LINGO2: variants seen among roughly 807,000 people sequenced by gnomAD.
LINGO2 encodes the protein leucine rich repeat and Ig domain containing 2, also known as leucine-rich repeat and immunoglobulin-like domain-containing nogo receptor-interacting protein 2.
Under a neutral mutation model 30.6 loss-of-function variants are expected in LINGO2, and 14 were observed. The ratio of observed to expected loss-of-function variants is 0.46; its 90% CI spans 0.30 to 0.72. LINGO2 has a LOEUF of 0.72. Among genes scored for constraint, LINGO2 ranks in the 30% least tolerant of loss-of-function variants. The pLI is 0.07. For missense variants in LINGO2, 729 were observed against 751.7 expected (o/e 0.97, Z 0.35); for synonymous variants, 317 against 288.5 (o/e 1.10, Z -1.00).
chr9:28,721,544 A>C, the LINGO2 span, among the ~76,000 whole-genome samples: 1 of 152,022 alleles, frequency 6.6e-6, no homozygotes, highest in Non-Finnish European at 1.5e-5. Context: ...TCATTCTCAG[A>C]AAACTAACAC....
chr9:27,962,051 G>T (rs896359178), intron 5 of LINGO2, among the ~76,000 whole-genome samples: 7 of 152,232 alleles, frequency 4.6e-5, no homozygotes, highest in African/African-American at 1.2e-4. Flanking sequence ...TCCTTAAAAA[G>T]AATATTATTT....
chr9:28,721,821 TA>T, the LINGO2 span, among the ~76,000 whole-genome samples: 1,632 of 143,726 alleles, frequency 0.011, 31 homozygotes, highest in Admixed American at 0.04. Flanking sequence ...TAAAGTAAAA[TA>T]AAAAAAAAAA....
intron 2 of LINGO2, among the ~76,000 whole-genome samples, chr9:28,448,148 T>C (rs1456762517): frequency 6.6e-6 from 1 of 152,088 alleles, no homozygotes; most frequent in African/African-American, 2.4e-5. Context: ...TCTAAAAATA[T>C]CTTGAAAAGA....
chr9:28,406,879 T>C (rs1169237324), intron 2 of LINGO2, among the ~76,000 whole-genome samples: 1 of 152,170 alleles, frequency 6.6e-6, no homozygotes, highest in Non-Finnish European at 1.5e-5. Flanking sequence ...AACTGCATTG[T>C]GCTACTGATA....
chr9:28,825,510 C>A, the LINGO2 span, among the ~76,000 whole-genome samples: 2 of 151,570 alleles, frequency 1.3e-5, no homozygotes, highest in African/African-American at 2.4e-5. Flanking sequence ...CATCTGCTTA[C>A]CCAAAGGTTG....
chr9:28,344,881 C>G (rs764615559), intron 3 of LINGO2, among the ~76,000 whole-genome samples: 4 of 152,054 alleles, frequency 2.6e-5, no homozygotes, highest in Non-Finnish European at 4.4e-5. Context: ...CCAACTGCAC[C>G]AAAGCATCTT....
chr9:28,381,529 A>G (rs1821357536), intron 2 of LINGO2, among the ~76,000 whole-genome samples: 1 of 152,126 alleles, frequency 6.6e-6, no homozygotes, highest in East Asian at 1.9e-4. Context: ...TGGAATGTAT[A>G]TGCCAACACA....
At position 28,552,631 on chromosome 9, in the gene LINGO2, G is replaced by A. The variant is rs113823258; in HGVS notation, c.-364-76606C>T. On this transcript the variant is annotated intron_variant, in intron 1 of 5. Transcript: ENST00000379992. ...TAAAAGCATATGTCTTTCCATTCTG[G>A]GAACTTTTTATGATTTTTTTTTTTC... 7.5e-3 allele frequency among the ~76,000 whole-genome samples: 1,137 copies of A among 151,018 alleles called. 18 individuals are homozygous for A. The highest frequency in any genetic ancestry group is 0.026 in the African/African-American group (1,082 of 41,100).
At chr9:28,768,921 A>C in the LINGO2 span, among the ~76,000 whole-genome samples, 1 of 152,098 alleles carries the variant, frequency 6.6e-6, no homozygotes, top group Non-Finnish European at 1.5e-5. Context: ...CAGAATAATA[A>C]TACTATTACA....
chr9:27,993,396 G>T (rs1821495041), intron 5 of LINGO2, among the ~76,000 whole-genome samples: 1 of 151,938 alleles, frequency 6.6e-6, no homozygotes, highest in Non-Finnish European at 1.5e-5. Flanking sequence ...GCCCAGGCTG[G>T]GCATGGTGTC....
the LINGO2 span, among the ~76,000 whole-genome samples, chr9:29,173,630 G>A: frequency 6.6e-6 from 1 of 152,070 alleles, no homozygotes; most frequent in South Asian, 2.1e-4. Flanking sequence ...GGAAAACCAT[G>A]TGTGAGATTA....
chr9:29,056,779 T>C, the LINGO2 span, among the ~76,000 whole-genome samples: 1 of 152,148 alleles, frequency 6.6e-6, no homozygotes, highest in African/African-American at 2.4e-5. Context: ...GTAAGAGATG[T>C]AGATCTTTCT....
At chr9:28,186,347 G>C (rs763253691) in intron 4 of LINGO2, among the ~76,000 whole-genome samples, 1 of 152,132 alleles carries the variant, frequency 6.6e-6, no homozygotes, top group Non-Finnish European at 1.5e-5. Context: ...GTCTGTTTAA[G>C]TTAAAGTAAT....
At chr9:29,168,769 A>C in the LINGO2 span, among the ~76,000 whole-genome samples, 5 of 152,196 alleles carry the variant, frequency 3.3e-5, no homozygotes, top group South Asian at 2.1e-4. Flanking sequence ...ATACTTCCTT[A>C]CTGATGAATG....
At chr9:27,956,034 C>T (rs893530577) in intron 5 of LINGO2, among the ~76,000 whole-genome samples, 1 of 148,834 alleles carries the variant, frequency 6.7e-6, no homozygotes, top group Admixed American at 6.8e-5. Flanking sequence ...CCGCCTCCTG[C>T]GTTCAAGCGA....
At chr9:28,315,707 C>A (rs553050021) in intron 3 of LINGO2, among the ~76,000 whole-genome samples, 48 of 152,196 alleles carry the variant, frequency 3.2e-4, no homozygotes, top group African/African-American at 1.1e-3. Flanking sequence ...GTGGCACTCC[C>A]AGCATACATG....
the LINGO2 span, among the ~76,000 whole-genome samples, chr9:29,006,996 A>G: frequency 6.6e-6 from 1 of 152,106 alleles, no homozygotes; most frequent in East Asian, 1.9e-4. Flanking sequence ...GCAACTCTAT[A>G]GCATCTGAGG....
the LINGO2 span, among the ~76,000 whole-genome samples, chr9:29,189,018 C>T: frequency 7.1e-6 from 1 of 141,506 alleles, no homozygotes; most frequent in Admixed American, 6.8e-5. Flanking sequence ...GCTGACCCCC[C>T]CACCTACCTC....
chr9:28,507,289 C>T (rs1043416009), intron 1 of LINGO2, among the ~76,000 whole-genome samples: 1 of 151,698 alleles, frequency 6.6e-6, no homozygotes, highest in Non-Finnish European at 1.5e-5. Flanking sequence ...ACCCAACAGT[C>T]TTCTGTAACT....
Sources: gnomAD v4.1 joint callset for allele counts (sites outside exome capture counted in the v4.1 genomes callset) on GRCh38, gnomAD v4.1.1 for gene constraint, MANE v1.5 for transcripts, NCBI Gene and HGNC (gene_info 2026-07-23, HGNC 2026-07-21) for gene names.